The following MGAT5 variants were observed in gnomAD, a reference collection of about 807,000 sequenced individuals.
MGAT5 encodes the protein alpha-1,6-mannosylglycoprotein 6-beta-N-acetylglucosaminyltransferase.
A neutral mutation model predicts 94.3 loss-of-function variants in MGAT5; 30 were observed. The observed-to-expected ratio is 0.32, with a 90% CI of 0.24 to 0.43. MGAT5 has a LOEUF of 0.43. MGAT5 is among the 20% of genes least tolerant of loss of function. MGAT5 has a pLI of 1.00. For missense variants in MGAT5, 691 were observed against 905.5 expected (o/e 0.76, Z 3.04); for synonymous variants, 310 against 322.9 (o/e 0.96, Z 0.43).
chr2:134,129,269 T>G (rs969699587), intron 1 of MGAT5, among the ~76,000 whole-genome samples: 1 of 152,186 alleles, frequency 6.6e-6, no homozygotes, highest in Non-Finnish European at 1.5e-5. Context: ...AGTCCTTGTC[T>G]CTCTGCCATC....
At chr2:134,369,802 A>G (rs1280641711) in intron 10 of MGAT5, among the ~76,000 whole-genome samples, 1 of 150,108 alleles carries the variant, frequency 6.7e-6, no homozygotes, top group African/African-American at 2.5e-5. Flanking sequence ...GAAATTTGCT[A>G]TCTTATCCTT....
intron 14 of MGAT5, among the ~76,000 whole-genome samples, chr2:134,438,014 C>CAAAAAA (rs1276833339): frequency 9.9e-6 from 1 of 101,278 alleles, no homozygotes; most frequent in African/African-American, 3.3e-5. Flanking sequence ...GACTCCGTCT[C>CAAAAAA]AAAAAAAAAA....
chr2:134,314,307 A>C (rs1196703217), intron 2 of MGAT5, among the ~76,000 whole-genome samples: 2 of 152,216 alleles, frequency 1.3e-5, no homozygotes, highest in Non-Finnish European at 2.9e-5. Context: ...GTATAAGAAC[A>C]TGGAGTTGCA....
intron 1 of MGAT5, among the ~76,000 whole-genome samples, chr2:134,179,280 G>A (rs767372265): frequency 2.0e-5 from 3 of 152,156 alleles, no homozygotes; most frequent in Non-Finnish European, 2.9e-5. Flanking sequence ...AGAAGGCTGC[G>A]ATGTATCTTA....
chr2:134,381,332 T>C (rs892625890), intron 10 of MGAT5, among the ~76,000 whole-genome samples: 10 of 73,976 alleles, frequency 1.4e-4, no homozygotes, highest in African/African-American at 5.7e-4. Context: ...ACCTGTCTCA[T>C]AGATAGATAG....
intron 2 of MGAT5, among the ~76,000 whole-genome samples, chr2:134,285,500 G>A (rs1009482517): frequency 2.0e-5 from 3 of 151,950 alleles, no homozygotes; most frequent in Admixed American, 6.5e-5. Context: ...TAGGTCAAAG[G>A]GCATAAGCCC....
intron 1 of MGAT5, among the ~76,000 whole-genome samples, chr2:134,140,709 TC>T (rs1362952892): frequency 1.3e-5 from 2 of 152,236 alleles, no homozygotes; most frequent in African/African-American, 4.8e-5. Flanking sequence ...CAGGCAGTGT[TC>T]TGGATACTTT....
chr2:134,362,177 A>AT, intron 9 of MGAT5, 98 bp from the exon 10 acceptor site: 1 of 1,435,600 alleles, frequency 7.0e-7, no homozygotes, highest in Non-Finnish European at 9.5e-7. Context: ...GAAAACAAAC[A>AT]TTTTGTTATG....
rs144604711 is a variant in MGAT5 at position 134,353,583 on chromosome 2, C to G, written c.1246+3645C>G. On this transcript the variant is annotated intron_variant, in intron 9 of 15. Transcript: ENST00000281923. Reference sequence around the variant, plus strand: ...AGAATTCAGCTTTGATCATGCCTTTCTAGCACAAATTGTATTTGAAGATAA... The same window carrying G: ...AGAATTCAGCTTTGATCATGCCTTTGTAGCACAAATTGTATTTGAAGATAA... 2.0e-3 allele frequency among the ~76,000 whole-genome samples: 304 copies of G among 152,264 alleles called. 1 individual carries two copies. The highest frequency in any genetic ancestry group is 4.6e-3 in the Admixed American group (71 of 15,296).
chr2:134,368,589 C>G (rs562968847), intron 10 of MGAT5, among the ~76,000 whole-genome samples: 1 of 152,338 alleles, frequency 6.6e-6, no homozygotes, highest in East Asian at 1.9e-4. Context: ...TTCCCCTGCT[C>G]CTGCCCTTTT....
intron 1 of MGAT5, among the ~76,000 whole-genome samples, chr2:134,264,870 A>G (rs1188034925): frequency 6.6e-6 from 1 of 152,142 alleles, no homozygotes; most frequent in Non-Finnish European, 1.5e-5. Flanking sequence ...AGCCATGGTG[A>G]AAGGGATTTG....
intron 2 of MGAT5, among the ~76,000 whole-genome samples, chr2:134,284,945 A>G (rs553339317): frequency 1.4e-3 from 210 of 152,296 alleles, no homozygotes; most frequent in African/African-American, 5.0e-3. Context: ...CCATTTGGAT[A>G]TTGTTGTAAA....
intron 14 of MGAT5, among the ~76,000 whole-genome samples, chr2:134,430,728 T>A (rs1339367615): frequency 6.6e-6 from 1 of 151,920 alleles, no homozygotes; most frequent in East Asian, 1.9e-4. Flanking sequence ...AGAGGTTTCT[T>A]TTTTGCCTGC....
chr2:134,253,222 T>G (rs1486959696), upstream of MGAT5: 1 of 152,244 alleles, frequency 6.6e-6, no homozygotes, highest in African/African-American at 2.4e-5. Context: ...GAAGCATGTA[T>G]GTACACTCTG....
intron 1 of MGAT5, among the ~76,000 whole-genome samples, chr2:134,160,273 A>G (rs962001379): frequency 1.1e-4 from 17 of 152,160 alleles, no homozygotes; most frequent in Admixed American, 9.2e-4. Context: ...TCCCAGGTTC[A>G]TGCCACTCTC....
At chr2:134,270,340 T>C in intron 1 of MGAT5, 46 bp from the exon 2 acceptor site, 9 of 1,573,670 alleles carry the variant, frequency 5.7e-6, no homozygotes, top group South Asian at 1.1e-5. Context: ...CAGACAGATA[T>C]GTAGAGGCCA....
chr2:134,367,341 A>G (rs1287450147), intron 10 of MGAT5, among the ~76,000 whole-genome samples: 3 of 152,208 alleles, frequency 2.0e-5, no homozygotes, highest in African/African-American at 7.2e-5. Context: ...AGCCTGTCCA[A>G]AGATACTCAA....
chr2:134,315,126 G>A (rs1267922154), intron 2 of MGAT5, among the ~76,000 whole-genome samples: 2 of 152,196 alleles, frequency 1.3e-5, no homozygotes, highest in African/African-American at 4.8e-5. Flanking sequence ...AGGCCTTCAT[G>A]CACCTGTTAG....
At chr2:134,159,356 T>C (rs950203001) in intron 1 of MGAT5, among the ~76,000 whole-genome samples, 2 of 152,154 alleles carry the variant, frequency 1.3e-5, no homozygotes, top group Admixed American at 6.5e-5. Flanking sequence ...AGTGAATCTC[T>C]GGAGGAGAGA....
Sources: allele counts gnomAD v4.1 joint callset (sites outside exome capture counted in the v4.1 genomes callset), GRCh38; gene constraint gnomAD v4.1.1; transcripts MANE v1.5; gene names NCBI Gene and HGNC (gene_info 2026-07-23, HGNC 2026-07-21).